Variants in CELF2 observed in about 807,000 individuals in gnomAD.
CELF2 encodes the protein CUGBP Elav-like family member 2.
Under a neutral mutation model 62.6 loss-of-function variants are expected in CELF2, and 8 were observed. The observed-to-expected ratio is 0.13, with a 90% CI of 0.07 to 0.23. The LOEUF (loss-of-function observed/expected upper bound fraction) is 0.23, where lower values mean the gene tolerates loss of function less well. CELF2 is among the 10% of genes least tolerant of loss of function. The probability of loss-of-function intolerance (pLI) is 1.00; values close to 1 mark genes in which losing one functional copy is unlikely to be tolerated. For synonymous variants in CELF2, 258 were observed against 250.0 expected, an observed-to-expected ratio of 1.03 and a Z score of -0.30; for missense variants, 333 against 671.0, an observed-to-expected ratio of 0.50 and a Z score of 5.56.
chr10:11,001,294 T>G (rs2054496851), upstream of CELF2, among the ~76,000 whole-genome samples: 2 of 152,214 alleles, frequency 1.3e-5, no homozygotes, highest in African/African-American at 2.4e-5. Context: ...ATTGTTCTTT[T>G]AGGATTTGAG....
At chr10:10,960,058 C>T (rs528698829) in intron 2 of CELF2, 3 of 152,390 alleles carry the variant, frequency 2.0e-5, no homozygotes, top group East Asian at 3.8e-4. Context: ...TGGCATTACA[C>T]TGCAATTGGG....
Position 11,280,556 on chromosome 10 carries a change from G to A in CELF2, c.841+5436G>A, listed in dbSNP as rs763426260. On this transcript the variant is annotated intron_variant, in intron 8 of 12. Coordinates refer to ENST00000633077, the MANE Select transcript of CELF2 (RefSeq NM_001326342.2). The surrounding 1 kb of genome is among the most constrained non-coding windows in gnomAD (Gnocchi z 7.6). ...CCACCAGGGACGTGCATCGTTGCCAGGGAAGGGCCCAGGAACACTGGGGCC... is the reference window on the plus strand; with the variant it reads ...CCACCAGGGACGTGCATCGTTGCCAAGGAAGGGCCCAGGAACACTGGGGCC... Among the ~76,000 whole-genome samples, 1 of 152,236 alleles carries A rather than the reference G, an allele frequency of 6.6e-6. No individual in the cohort carries two copies. The highest frequency in any genetic ancestry group is 1.5e-5 in the Non-Finnish European group (1 of 68,046).
chr10:11,069,172 C>T (rs539276354), intron 1 of CELF2, among the ~76,000 whole-genome samples: 95 of 152,198 alleles, frequency 6.2e-4, no homozygotes, highest in Admixed American at 1.2e-3. Flanking sequence ...TTGTATCTTT[C>T]AAGCAGGTAT....
intron 1 of CELF2, among the ~76,000 whole-genome samples, chr10:11,033,518 A>G (rs947918358): frequency 2.0e-5 from 3 of 152,084 alleles, no homozygotes; most frequent in East Asian, 1.9e-4. Context: ...CAGCCTTCCA[A>G]AGTGCTGGGA....
At chr10:10,632,106 C>T in the CELF2 span, among the ~76,000 whole-genome samples, 1 of 152,192 alleles carries the variant, frequency 6.6e-6, no homozygotes, top group African/African-American at 2.4e-5. Context: ...GCCTCCTCTT[C>T]CACTTTGTTT....
intron 2 of CELF2, among the ~76,000 whole-genome samples, chr10:11,189,797 C>G (rs1391188801): frequency 1.3e-5 from 2 of 152,220 alleles, no homozygotes; most frequent in Non-Finnish European, 2.9e-5. Flanking sequence ...CAGAGGAATT[C>G]CAGCACCAGC....
At chr10:11,129,544 T>C (rs1026649571) in intron 1 of CELF2, among the ~76,000 whole-genome samples, 1 of 152,138 alleles carries the variant, frequency 6.6e-6, no homozygotes, top group Non-Finnish European at 1.5e-5. Flanking sequence ...TATTATTGCC[T>C]CCATTTCAGA....
At chr10:10,560,249 G>A in the CELF2 span, among the ~76,000 whole-genome samples, 1 of 152,064 alleles carries the variant, frequency 6.6e-6, no homozygotes, top group African/African-American at 2.4e-5. Flanking sequence ...TTCCCAAAAG[G>A]AAATACAGGT....
chr10:10,925,544 A>T (rs1183467288), intron 2 of CELF2, among the ~76,000 whole-genome samples: 9 of 152,148 alleles, frequency 5.9e-5, no homozygotes, highest in African/African-American at 2.2e-4. Flanking sequence ...GTGCTATGGG[A>T]AAGTGTTTAA....
chr10:10,759,532 A>G, the CELF2 span, among the ~76,000 whole-genome samples: 2,758 of 151,398 alleles, frequency 0.018, 83 homozygotes, highest in African/African-American at 0.064. Context: ...CTGGTCTCGA[A>G]CTCCTGACCT....
chr10:10,847,214 A>G (rs1490201842), intron 1 of CELF2, among the ~76,000 whole-genome samples: 1 of 152,086 alleles, frequency 6.6e-6, no homozygotes, highest in Non-Finnish European at 1.5e-5. Flanking sequence ...GCATATATAT[A>G]TATATGCACA....
chr10:10,899,751 G>A (rs1210705635), intron 1 of CELF2, among the ~76,000 whole-genome samples: 1 of 152,196 alleles, frequency 6.6e-6, no homozygotes, highest in Non-Finnish European at 1.5e-5. Flanking sequence ...GAAAGTGACG[G>A]GGAAGCTAGA....
chr10:11,255,625 C>T lies in CELF2; in HGVS notation c.404-2113C>T, dbSNP rs374439219. Among the ~76,000 whole-genome samples the T allele has an allele frequency of 2.0e-5, 3 of 152,222 alleles. No homozygotes were observed. Among genetic ancestry groups the T allele is most frequent in the South Asian group, 4.2e-4 (2 of 4,808 alleles). ...ATTCCTTGGAGCCCTAGAGTTTCTG[C>T]GGTGTCCCAGGAGCTGTCACAGTGG... On this transcript the variant is annotated intron_variant, in intron 4 of 12. Coordinates refer to ENST00000633077, the MANE Select transcript of CELF2 (RefSeq NM_001326342.2). The surrounding 1 kb of genome is among the most constrained non-coding windows in gnomAD (Gnocchi z 5.5).
chr10:11,134,746 A>C (rs953352488), intron 1 of CELF2, among the ~76,000 whole-genome samples: 3 of 152,204 alleles, frequency 2.0e-5, no homozygotes, highest in African/African-American at 7.2e-5. Context: ...TTTGAGAAGC[A>C]GGGCACGAGG....
intron 1 of CELF2, among the ~76,000 whole-genome samples, chr10:10,883,173 C>T (rs370827561): frequency 2.6e-5 from 4 of 152,126 alleles, no homozygotes; most frequent in African/African-American, 9.7e-5. Flanking sequence ...TTTTACTTTT[C>T]AAGAGAAATA....
intron 9 of CELF2, among the ~76,000 whole-genome samples, chr10:11,310,382 AGGTTGTG>A (rs2094498767): frequency 1.3e-5 from 2 of 152,316 alleles, no homozygotes; most frequent in Admixed American, 6.5e-5. Context: ...GGAAGGGAGC[AGGTTGTG>A]GGTTGTGGGT....
chr10:10,562,746 C>T, the CELF2 span, among the ~76,000 whole-genome samples: 5 of 135,244 alleles, frequency 3.7e-5, no homozygotes, highest in Non-Finnish European at 5.9e-5. Context: ...CCCATTCCTT[C>T]CCTTTTATTT....
rs566841403 is a variant in CELF2 at position 11,333,043 on chromosome 10, C to T, written c.*3990C>T. ...TTCTTATCAATTACCTAAATCTCAACGAAAAACAATTTACTGAAGCCGACT... is the reference window on the plus strand; with the variant it reads ...TTCTTATCAATTACCTAAATCTCAATGAAAAACAATTTACTGAAGCCGACT... On this transcript the variant is annotated 3_prime_UTR_variant, in exon 13 of 13. Transcript: ENST00000633077. The T allele has an allele frequency of 6.6e-6, 1 of 152,312 alleles. No individual in the cohort carries two copies. Among genetic ancestry groups the T allele is most frequent in the Non-Finnish European group, 1.5e-5 (1 of 68,030 alleles). 9.4% of individuals were successfully genotyped at this position (152,312 alleles called of 1,614,324 possible).
chr10:11,152,276 A>AT (rs1283666084), intron 1 of CELF2, among the ~76,000 whole-genome samples: 15 of 152,240 alleles, frequency 9.9e-5, no homozygotes, highest in Admixed American at 3.3e-4. Context: ...GTGACACCTC[A>AT]TTCAAGACCT....
Sources: gnomAD v4.1 joint callset for allele counts (sites outside exome capture counted in the v4.1 genomes callset) on GRCh38, gnomAD v4.1.1 for gene constraint, Gnocchi (gnomAD v3.1) non-coding constraint, MANE v1.5 for transcripts, NCBI Gene and HGNC (gene_info 2026-07-23, HGNC 2026-07-21) for gene names.